The following ESR1 variants were observed in gnomAD, a reference collection of about 807,000 sequenced individuals.
ESR1 encodes estrogen receptor.
ESR1 carries 12 observed loss-of-function variants against 52.7 expected under a neutral mutation model. That is an observed-to-expected ratio of 0.23 (90% CI 0.15 to 0.37). The LOEUF (loss-of-function observed/expected upper bound fraction) is 0.37. Among genes scored for constraint, ESR1 ranks in the 10% least tolerant of loss-of-function variants. The pLI, the probability that ESR1 is intolerant of heterozygous loss-of-function variation, is 1.00. For missense variants in ESR1, 584 were observed against 779.7 expected (o/e 0.75, Z 2.99); for synonymous variants, 305 against 316.8 (o/e 0.96, Z 0.39).
chr6:151,876,148 G>A (rs954546384), intron 2 of ESR1, among the ~76,000 whole-genome samples: 4 of 152,146 alleles, frequency 2.6e-5, no homozygotes, highest in African/African-American at 9.7e-5. Context: ...TGGGGAGGGA[G>A]GGTCAAGTGA....
chr6:151,860,808 G>A (rs1788736009), intron 2 of ESR1, among the ~76,000 whole-genome samples: 2 of 152,290 alleles, frequency 1.3e-5, no homozygotes, highest in African/African-American at 4.8e-5. Context: ...CCAGTTATAT[G>A]ATGTGTTACC....
intron 2 of ESR1, among the ~76,000 whole-genome samples, chr6:151,850,926 C>T (rs188013406): frequency 6.6e-6 from 1 of 152,222 alleles, no homozygotes; most frequent in Admixed American, 6.5e-5. Flanking sequence ...TCATCTAAGC[C>T]GTTTGCTTAT....
chr6:152,072,630 G>A (rs1008007877), intron 6 of ESR1, among the ~76,000 whole-genome samples: 1 of 152,186 alleles, frequency 6.6e-6, no homozygotes, highest in East Asian at 1.9e-4. Context: ...AGGCCCGAAG[G>A]ACCAAGTGCT....
intron 4 of ESR1, among the ~76,000 whole-genome samples, chr6:151,985,559 G>T (rs369035450): frequency 2.1e-5 from 2 of 95,824 alleles, no homozygotes; most frequent in African/African-American, 7.8e-5. Context: ...AAAAGAAAAA[G>T]AAAATAAACC....
intron 2 of ESR1, among the ~76,000 whole-genome samples, chr6:151,871,934 A>T (rs1791042111): frequency 6.6e-6 from 1 of 152,310 alleles, no homozygotes; most frequent in Middle Eastern, 3.4e-3. Flanking sequence ...AAGGCTGAAT[A>T]ATACTCCACT....
chr6:151,718,269 C>T (rs1474628485), intron 2 of ESR1, among the ~76,000 whole-genome samples: 1 of 152,178 alleles, frequency 6.6e-6, no homozygotes, highest in East Asian at 1.9e-4. Context: ...TCAACTACAT[C>T]TGGAAGGTTC....
Position 152,101,784 on chromosome 6 carries a change from G to A in ESR1, c.*2818G>A, listed in dbSNP as rs1226389797. ...TGGGGAATGGCAAATATATTAAGAA[G>A]AGTATTGAAAGTATTTGGAGGAAAA... On this transcript the variant is annotated 3_prime_UTR_variant, in exon 8 of 8. Coordinates refer to ENST00000206249, the MANE Select transcript of ESR1 (RefSeq NM_000125.4). 3 of 229,430 alleles carry A rather than the reference G, an allele frequency of 1.3e-5. No individual in the cohort carries two copies. In the East Asian group the frequency reaches 1.9e-4, roughly 14 times the overall value. 14.2% of individuals were successfully genotyped at this position (229,430 alleles called of 1,614,324 possible).
chr6:152,115,906 G>A (rs2051204820), intron 6 of ESR1, among the ~76,000 whole-genome samples: 1 of 152,140 alleles, frequency 6.6e-6, no homozygotes, highest in African/African-American at 2.4e-5. Context: ...AATCGCCTGG[G>A]GACCTTCAAG....
At chr6:151,941,954 G>T (rs1392105640) in intron 3 of ESR1, among the ~76,000 whole-genome samples, 1 of 152,142 alleles carries the variant, frequency 6.6e-6, no homozygotes, top group African/African-American at 2.4e-5. Context: ...ACCCTTCGTT[G>T]TTCCTCACTT....
intron 4 of ESR1, among the ~76,000 whole-genome samples, chr6:151,972,755 A>C (rs955677784): frequency 2.0e-5 from 3 of 152,204 alleles, no homozygotes; most frequent in African/African-American, 7.2e-5. Flanking sequence ...TCACACGATC[A>C]CAAGGTTGGG....
intron 2 of ESR1, among the ~76,000 whole-genome samples, chr6:151,758,021 G>A (rs1375971391): frequency 6.6e-6 from 1 of 152,164 alleles, no homozygotes; most frequent in Non-Finnish European, 1.5e-5. Flanking sequence ...TACAATTTTA[G>A]GAATGGAAAG....
intron 5 of ESR1, among the ~76,000 whole-genome samples, chr6:152,058,442 C>T (rs2047282209): frequency 6.6e-6 from 1 of 152,152 alleles, no homozygotes; most frequent in African/African-American, 2.4e-5. Context: ...AAAGGCCAAC[C>T]TCTCCCTTGA....
intron 6 of ESR1, chr6:152,122,156 G>A (rs1197572506): frequency 2.4e-5 from 11 of 466,186 alleles, no homozygotes; most frequent in Non-Finnish European, 3.5e-5. Flanking sequence ...TCATGAGTCC[G>A]GGGAACTTTG....
At chr6:151,710,168 C>T (rs851975) in intron 2 of ESR1, among the ~76,000 whole-genome samples, 35,682 of 151,490 alleles carry the variant, frequency 0.24, 4,338 homozygotes, top group Non-Finnish European at 0.25. Context: ...AGGCCTGAGA[C>T]GTATTGCTTT....
At chr6:151,700,881 C>T (rs1779727293) in intron 1 of ESR1, among the ~76,000 whole-genome samples, 1 of 151,968 alleles carries the variant, frequency 6.6e-6, no homozygotes, top group African/African-American at 2.4e-5. Context: ...AACCCAGGGC[C>T]TTTTTCCAAC....
At chr6:152,049,992 A>G (rs902459558) in intron 5 of ESR1, among the ~76,000 whole-genome samples, 1 of 152,188 alleles carries the variant, frequency 6.6e-6, no homozygotes, top group Non-Finnish European at 1.5e-5. Context: ...ACACAAAAAG[A>G]ATCTTTTTTG....
At chr6:151,715,901 G>A (rs1780995783) in intron 2 of ESR1, among the ~76,000 whole-genome samples, 1 of 152,166 alleles carries the variant, frequency 6.6e-6, no homozygotes, top group Non-Finnish European at 1.5e-5. Context: ...TGATCCTTTG[G>A]AGGAGAAGAG....
intron 5 of ESR1, among the ~76,000 whole-genome samples, chr6:152,036,787 T>C (rs2045343637): frequency 6.6e-6 from 1 of 152,096 alleles, no homozygotes; most frequent in Non-Finnish European, 1.5e-5. Flanking sequence ...TTCAATAAAG[T>C]GTGGATGGAA....
intron 5 of ESR1, among the ~76,000 whole-genome samples, chr6:152,038,892 G>C (rs942738961): frequency 2.6e-5 from 4 of 152,084 alleles, no homozygotes; most frequent in African/African-American, 7.2e-5. Flanking sequence ...GCCTCCCAAA[G>C]TGGTGGATCC....
Sources: allele counts gnomAD v4.1 joint callset (sites outside exome capture counted in the v4.1 genomes callset), GRCh38; gene constraint gnomAD v4.1.1; transcripts MANE v1.5; gene names NCBI Gene and HGNC (gene_info 2026-07-23, HGNC 2026-07-21).